EPSTI1: variants seen among roughly 807,000 people sequenced by gnomAD.
EPSTI1 encodes the protein epithelial stromal interaction 1, also known as epithelial-stromal interaction protein 1.
Under a neutral mutation model 49.9 loss-of-function variants are expected in EPSTI1, and 66 were observed. The observed-to-expected ratio is 1.32, with a 90% CI of 1.08 to 1.62. The LOEUF (loss-of-function observed/expected upper bound fraction) is 1.62, where lower values mean the gene tolerates loss of function less well. Among genes scored for constraint, EPSTI1 ranks in the 40% most tolerant of loss-of-function variants. EPSTI1 has a pLI of 0.00. For synonymous variants in EPSTI1, 137 were observed against 130.7 expected, an observed-to-expected ratio of 1.05 and a Z score of -0.33; for missense variants, 394 against 365.5, an observed-to-expected ratio of 1.08 and a Z score of -0.64.
At chr13:42,900,813 G>A (rs1201822239) in intron 8 of EPSTI1, among the ~76,000 whole-genome samples, 2 of 151,946 alleles carry the variant, frequency 1.3e-5, no homozygotes, top group Non-Finnish European at 1.5e-5. Context: ...ATAAATATTG[G>A]ACTCAATCTT....
intron 6 of EPSTI1, among the ~76,000 whole-genome samples, chr13:42,948,007 G>T (rs1203999446): frequency 1.3e-5 from 2 of 152,238 alleles, no homozygotes; most frequent in Non-Finnish European, 2.9e-5. Flanking sequence ...GCCAACAGAG[G>T]TGGCGGAGTT....
chr13:42,907,133 A>G (rs1290676719), intron 8 of EPSTI1, among the ~76,000 whole-genome samples: 2 of 152,168 alleles, frequency 1.3e-5, no homozygotes, highest in African/African-American at 4.8e-5. Flanking sequence ...TAGTTCTATC[A>G]TTTTAACAGA....
At chr13:42,924,420 C>T (rs1004510055) in intron 7 of EPSTI1, among the ~76,000 whole-genome samples, 35 of 152,168 alleles carry the variant, frequency 2.3e-4, no homozygotes, top group African/African-American at 8.5e-4. Context: ...AAATTCAGGA[C>T]GATCTTGTTA....
At chr13:42,972,341 C>T (rs1174778858) in intron 1 of EPSTI1, among the ~76,000 whole-genome samples, 1 of 152,190 alleles carries the variant, frequency 6.6e-6, no homozygotes, top group African/African-American at 2.4e-5. Flanking sequence ...AAATAACTTA[C>T]ATTTTTAACA....
chr13:42,890,507 C>T (rs547436100), intron 10 of EPSTI1, among the ~76,000 whole-genome samples: 43 of 152,160 alleles, frequency 2.8e-4, no homozygotes, highest in African/African-American at 8.9e-4. Context: ...ATCTTGTTAG[C>T]CAGGATGGTC....
chr13:42,917,657 AAAC>A (rs771626938), intron 7 of EPSTI1, 33 bp from the exon 8 acceptor site: 1 of 1,435,836 alleles, frequency 7.0e-7, no homozygotes, highest in African/African-American at 1.4e-5. Flanking sequence ...AAAAAAAAAA[AAAC>A]AACTTGATAG....
intron 7 of EPSTI1, among the ~76,000 whole-genome samples, chr13:42,919,055 G>C (rs2037919150): frequency 6.6e-6 from 1 of 152,186 alleles, no homozygotes; most frequent in Non-Finnish European, 1.5e-5. Flanking sequence ...AAAATATTTA[G>C]TTAAAGCAAA....
At position 42,944,729 on chromosome 13, in the gene EPSTI1, G is replaced by A. The variant is rs150779748; in HGVS notation, c.563+9219C>T. On this transcript the variant is annotated intron_variant, in intron 6 of 10. Coordinates refer to ENST00000313624, the MANE Select transcript of EPSTI1 (RefSeq NM_033255.5). ...AGCTAGGCCTTGGTGTTCTCCTGTT[G>A]AAAGTAACCAATGTTACATAATGTC... 3.2e-3 allele frequency among the ~76,000 whole-genome samples: 488 copies of A among 152,272 alleles called. 1 individual carries two copies. The highest frequency in any genetic ancestry group is 0.011 in the African/African-American group (469 of 41,540).
chr13:42,893,265 C>G lies in EPSTI1; in HGVS notation c.915+1744G>C, dbSNP rs9533295. 1.6e-3 allele frequency among the ~76,000 whole-genome samples: 243 copies of G among 152,062 alleles called. 1 individual carries two copies. The highest frequency in any genetic ancestry group is 5.5e-3 in the African/African-American group (226 of 41,450). On this transcript the variant is annotated intron_variant, in intron 10 of 10. Transcript: ENST00000313624. ...TTTATGCTGATGGAAGTGTTCTAGTCGAGATGGAACATTCAGCAATTCAGT... is the reference window on the plus strand; with the variant it reads ...TTTATGCTGATGGAAGTGTTCTAGTGGAGATGGAACATTCAGCAATTCAGT...
intron 3 of EPSTI1, 140 bp downstream of exon 3, chr13:42,968,954 A>ACACACACACACACAT: frequency 3.7e-6 from 2 of 539,442 alleles, no homozygotes; most frequent in East Asian, 3.4e-5. Context: ...ACACACACAC[A>ACACACACACACACAT]ATTAAATGCA....
intron 8 of EPSTI1, among the ~76,000 whole-genome samples, chr13:42,904,160 T>C (rs1566103246): frequency 6.6e-6 from 1 of 152,102 alleles, no homozygotes; most frequent in Non-Finnish European, 1.5e-5. Flanking sequence ...AGGCAGAGGA[T>C]TAAAACACAC....
intron 1 of EPSTI1, among the ~76,000 whole-genome samples, chr13:42,974,797 A>G (rs1299426932): frequency 1.3e-5 from 2 of 152,272 alleles, no homozygotes; most frequent in African/African-American, 4.8e-5. Context: ...TATCAAAAAT[A>G]TCTTGGCTGG....
At chr13:42,979,397 C>A (rs1274349015) in intron 1 of EPSTI1, among the ~76,000 whole-genome samples, 1 of 151,682 alleles carries the variant, frequency 6.6e-6, no homozygotes, top group Middle Eastern at 3.2e-3. Flanking sequence ...GCTAACACGG[C>A]GAAGCCCCGT....
chr13:42,924,867 C>T (rs1318095704), intron 7 of EPSTI1, among the ~76,000 whole-genome samples: 3 of 152,084 alleles, frequency 2.0e-5, no homozygotes, highest in African/African-American at 7.2e-5. Context: ...ATAATATCTT[C>T]CTGACATTTA....
chr13:42,931,609 T>C lies in EPSTI1; in HGVS notation c.564-5180A>G, dbSNP rs112722540. ...ATAAACTTCTTGTTCTTTAAGTCAC[T>C]GAAATTTTGGTGTTTATGTTTTTTA... On this transcript the variant is annotated intron_variant, in intron 6 of 10. Transcript: ENST00000313624. Among the ~76,000 whole-genome samples the C allele has an allele frequency of 2.8e-3, 426 of 152,358 alleles. 2 individuals carry two copies. The highest frequency in any genetic ancestry group is 9.6e-3 in the African/African-American group (401 of 41,578).
At chr13:42,901,773 T>TTA (rs2037359846) in intron 8 of EPSTI1, among the ~76,000 whole-genome samples, 2 of 152,222 alleles carry the variant, frequency 1.3e-5, no homozygotes, top group African/African-American at 4.8e-5. Context: ...TTAATTTTTT[T>TTA]TTATTATTAT....
At chr13:42,938,897 A>T (rs2038654115) in intron 6 of EPSTI1, among the ~76,000 whole-genome samples, 2 of 102,934 alleles carry the variant, frequency 1.9e-5, no homozygotes, top group African/African-American at 7.9e-5. Flanking sequence ...CCTGGGAGAC[A>T]GAGCAAGACT....
rs80097871 is a variant in EPSTI1, at chr13:42,980,740, C to T, written c.189-10070G>A. On this transcript the variant is annotated intron_variant, in intron 1 of 10. Transcript: ENST00000313624. ...ACTTGGAATAAAGAGTCAAAGAGTGCAATCTGTACTTTAGAGATTTCTTTA... is the reference window on the plus strand; with the variant it reads ...ACTTGGAATAAAGAGTCAAAGAGTGTAATCTGTACTTTAGAGATTTCTTTA... Among the ~76,000 whole-genome samples the T allele has an allele frequency of 7.0e-3, 1,064 of 151,968 alleles. 7 individuals carry two copies. Among genetic ancestry groups the T allele is most frequent in the African/African-American group, 0.024 (989 of 41,438 alleles).
chr13:42,979,136 A>G (rs1566178216), intron 1 of EPSTI1, among the ~76,000 whole-genome samples: 1 of 152,246 alleles, frequency 6.6e-6, no homozygotes, highest in Non-Finnish European at 1.5e-5. Flanking sequence ...ACGTAACTAC[A>G]GAAAACGGCA....
Sources: gnomAD v4.1 joint callset for allele counts (sites outside exome capture counted in the v4.1 genomes callset) on GRCh38, gnomAD v4.1.1 for gene constraint, MANE v1.5 for transcripts, NCBI Gene and HGNC (gene_info 2026-07-23, HGNC 2026-07-21) for gene names.